The following CAPN9 variants were observed in gnomAD, a reference collection of about 807,000 sequenced individuals.
The protein encoded by CAPN9 is calpain 9.
Under a neutral mutation model 92.8 loss-of-function variants are expected in CAPN9, and 81 were observed. The ratio of observed to expected loss-of-function variants is 0.87; its 90% CI spans 0.73 to 1.05. CAPN9 has a LOEUF of 1.05. Ranked by LOEUF, CAPN9 falls within the 50% of genes least tolerant of loss-of-function variation. The pLI is 0.00. For missense variants in CAPN9, 848 were observed against 866.2 expected (o/e 0.98, Z 0.26); for synonymous variants, 304 against 328.0 (o/e 0.93, Z 0.79).
rs371413170 is a variant in CAPN9, at chr1:230,769,269, C to A, written c.789+6C>A. 1 of 1,606,440 alleles carries A rather than the reference C, an allele frequency of 6.2e-7. No individual in the cohort carries two copies. The highest frequency in any genetic ancestry group is 1.1e-5 in the South Asian group (1 of 90,822). The stretch of plus-strand genomic sequence containing the variant: ...GTGTAACGGGAATTGACCAGGTAGG[C>A]GACTTGAACTCCAACTGCAGGCTAT... On this transcript the variant is annotated splice_donor_region_variant and intron_variant, in intron 6 of 19. Coordinates refer to ENST00000271971, the MANE Select transcript of CAPN9 (RefSeq NM_006615.3).
At chr1:230,751,723 A>G (rs1664853364) in intron 1 of CAPN9, among the ~76,000 whole-genome samples, 3 of 152,024 alleles carry the variant, frequency 2.0e-5, no homozygotes, top group Admixed American at 1.3e-4. Flanking sequence ...CACTGTGCTT[A>G]GTAGAGGAAA....
intron 17 of CAPN9, among the ~76,000 whole-genome samples, chr1:230,794,764 G>A (rs751543545): frequency 9.2e-5 from 14 of 152,188 alleles, no homozygotes; most frequent in Admixed American, 3.9e-4. Context: ...CATAGAACGC[G>A]AGGGGAGGCT....
In CAPN9 at chr1:230,747,548, G is replaced by A. The variant is rs182226726; in HGVS notation, c.52G>A (p.Asp18Asn). Reference protein sequence around the residue: ...PGPQAHPVPKDARITHSSGQS... With the variant: ...PGPQAHPVPKNARITHSSGQS... Reference sequence around the variant, plus strand: ...GCCTCAGGCACACCCGGTTCCCAAGGACGCCCGGATCACCCACTCCTCAGG... The same window carrying A: ...GCCTCAGGCACACCCGGTTCCCAAGAACGCCCGGATCACCCACTCCTCAGG... The change falls in exon 1 of 20, where the codon GAC (aspartate) becomes AAC (asparagine). Residue 18 changes from aspartate (D) to asparagine (N), a missense_variant. By Grantham distance (23) the Asp-to-Asn change is conservative. Transcript: ENST00000271971. 7.0e-5 allele frequency: 113 copies of A among 1,614,146 alleles called. No individual in the cohort carries two copies. Among genetic ancestry groups the A allele is most frequent in the Non-Finnish European group, 8.0e-5 (94 of 1,180,040 alleles).
intron 3 of CAPN9, among the ~76,000 whole-genome samples, chr1:230,760,305 C>T (rs1210247291): frequency 1.3e-5 from 2 of 152,138 alleles, no homozygotes; most frequent in African/African-American, 2.4e-5. Flanking sequence ...TTTCTACACT[C>T]GTCTGAAAAA....
At chr1:230,798,411 C>A (rs1303967044) in intron 19 of CAPN9, among the ~76,000 whole-genome samples, 191 bp downstream of exon 19, 5 of 152,228 alleles carry the variant, frequency 3.3e-5, no homozygotes, top group African/African-American at 1.2e-4. Context: ...TACAATAATT[C>A]TGTGAGCTAA....
intron 1 of CAPN9, among the ~76,000 whole-genome samples, chr1:230,754,989 T>C (rs1665133069): frequency 6.6e-6 from 1 of 152,210 alleles, no homozygotes; most frequent in South Asian, 2.1e-4. Context: ...GGGATAGCCC[T>C]GGACTCCTAG....
At chr1:230,791,187 C>T (rs576811925) in intron 14 of CAPN9, among the ~76,000 whole-genome samples, 2 of 152,240 alleles carry the variant, frequency 1.3e-5, no homozygotes, top group Admixed American at 1.3e-4. Context: ...ACTGTAAACA[C>T]TCCTATACAA....
intron 13 of CAPN9, among the ~76,000 whole-genome samples, chr1:230,789,582 C>T (rs1258472245): frequency 6.6e-6 from 1 of 151,384 alleles, no homozygotes; most frequent in Non-Finnish European, 1.5e-5. Flanking sequence ...TCCTGGAGTG[C>T]CTTAGATCCA....
Position 230,769,160 on chromosome 1 carries a change from C to T in CAPN9, c.706-20C>T, listed in dbSNP as rs530283118. The T allele has an allele frequency of 1.7e-5, 27 of 1,606,780 alleles. No homozygotes were observed. The South Asian group carries it at 2.9e-4, about 17-fold the overall frequency. ...CTTGACTTAGACGGTGGGTGTGACT[C>T]TGCTCTTTCCATGTTTTAGACCAGA... is the stretch of plus-strand genomic sequence containing the variant. On this transcript the variant is annotated intron_variant, in intron 5 of 19. Transcript: ENST00000271971.
rs1025366871 is a variant in CAPN9, at chr1:230,796,071, G to A, written c.1987+792G>A. ...CAGGGGGCTGGGCACAGTGGCTCAC[G>A]CCTGTAATCCCAGCACTTTGGGAGG... On this transcript the variant is annotated intron_variant, in intron 18 of 19. Transcript: ENST00000271971. Among the ~76,000 whole-genome samples the A allele has an allele frequency of 3.3e-5, 5 of 150,014 alleles. No homozygotes were observed. The East Asian group carries it at 9.8e-4, about 29-fold the overall frequency.
At chr1:230,772,273 C>A (rs1189827858) in intron 7 of CAPN9, among the ~76,000 whole-genome samples, 174 bp downstream of exon 7, 3 of 152,196 alleles carry the variant, frequency 2.0e-5, no homozygotes, top group African/African-American at 7.2e-5. Flanking sequence ...CTCAGGCCCA[C>A]CTTGCATCAA....
At chr1:230,771,793 A>G (rs1666402746) in intron 6 of CAPN9, among the ~76,000 whole-genome samples, 1 of 152,244 alleles carries the variant, frequency 6.6e-6, no homozygotes, top group Admixed American at 6.5e-5. Context: ...TTAATATAAT[A>G]TCATTGGCAA....
intron 3 of CAPN9, among the ~76,000 whole-genome samples, chr1:230,761,414 A>G (rs28359622): frequency 0.015 from 2,236 of 152,224 alleles, 57 homozygotes; most frequent in East Asian, 0.083. Flanking sequence ...TCCCCTGCTC[A>G]GGAACCCCAA....
chr1:230,778,484 G>A (rs1666975616), intron 8 of CAPN9, among the ~76,000 whole-genome samples: 1 of 152,182 alleles, frequency 6.6e-6, no homozygotes, highest in African/African-American at 2.4e-5. Flanking sequence ...CCTATTTGAT[G>A]TACTATGATC....
chr1:230,794,977 T>C lies in CAPN9; in HGVS notation c.1871-186T>C, dbSNP rs1254282847. The C allele has an allele frequency of 5.3e-6, 3 of 568,732 alleles. No homozygotes were observed. The East Asian group carries it at 8.9e-5, about 17-fold the overall frequency. 35.2% of individuals were successfully genotyped at this position (568,732 alleles called of 1,614,324 possible). On this transcript the variant is annotated intron_variant, in intron 17 of 19. Transcript: ENST00000271971. ...TCGCCCCTGCACCACAGATTCACAC[T>C]CTCACGCTGCATTCACACCAAGGGC... is the stretch of plus-strand genomic sequence containing the variant.
chr1:230,758,585 C>T (rs993290981), intron 2 of CAPN9, among the ~76,000 whole-genome samples: 2 of 152,124 alleles, frequency 1.3e-5, no homozygotes, highest in African/African-American at 2.4e-5. Context: ...TCAGCCCTGG[C>T]GAGTCTCTCT....
In CAPN9 at chr1:230,769,283, A is replaced by G. The variant is rs774465120; in HGVS notation, c.789+20A>G. 13 of 1,557,446 alleles carry G rather than the reference A, an allele frequency of 8.3e-6. No homozygotes were observed. Among genetic ancestry groups the G allele is most frequent in the Non-Finnish European group, 1.1e-5 (12 of 1,128,984 alleles). ...GACCAGGTAGGCGACTTGAACTCCAACTGCAGGCTATGGGGAGACATGTGA... is the reference window on the plus strand; with the variant it reads ...GACCAGGTAGGCGACTTGAACTCCAGCTGCAGGCTATGGGGAGACATGTGA... On this transcript the variant is annotated intron_variant, in intron 6 of 19. Coordinates refer to ENST00000271971, the MANE Select transcript of CAPN9 (RefSeq NM_006615.3).
rs193299442 is a variant in CAPN9 at position 230,791,811 on chromosome 1, C to T, written c.1658-53C>T. 293 of 1,436,588 alleles carry T rather than the reference C, an allele frequency of 2.0e-4. 3 individuals carry two copies. The East Asian group carries it at 5.9e-3, about 29-fold the overall frequency. 89.0% of individuals were successfully genotyped at this position (1,436,588 alleles called of 1,614,324 possible). A position where few individuals can be genotyped will look rare whatever the true frequency, so the allele number is the denominator to read the frequency against. ...TTATTGGGCTTTCAGCAGATGGGTA[C>T]ATAGGTTTATCTTATCGGGTCAACT... On this transcript the variant is annotated intron_variant, in intron 14 of 19. Coordinates refer to ENST00000271971, the MANE Select transcript of CAPN9 (RefSeq NM_006615.3).
At chr1:230,769,537 C>T (rs1048094547) in intron 6 of CAPN9, among the ~76,000 whole-genome samples, 2 of 152,130 alleles carry the variant, frequency 1.3e-5, no homozygotes, top group African/African-American at 2.4e-5. Flanking sequence ...TCCTTCAGTC[C>T]TGTGTTAGTC....
Sources: allele counts gnomAD v4.1 joint callset (sites outside exome capture counted in the v4.1 genomes callset), GRCh38; gene constraint gnomAD v4.1.1; transcripts MANE v1.5; gene names NCBI Gene and HGNC (gene_info 2026-07-23, HGNC 2026-07-21).